ERBB4: variants seen among roughly 807,000 people sequenced by gnomAD.
ERBB4 encodes receptor tyrosine-protein kinase erbB-4.
Under a neutral mutation model 158.0 loss-of-function variants are expected in ERBB4, and 42 were observed. The ratio of observed to expected loss-of-function variants is 0.27; its 90% CI spans 0.21 to 0.34. The LOEUF is 0.34. Among genes scored for constraint, ERBB4 ranks in the 10% least tolerant of loss-of-function variants. The pLI is 1.00. For synonymous variants in ERBB4, 583 were observed against 558.7 expected, an observed-to-expected ratio of 1.04 and a Z score of -0.61; for missense variants, 1,333 against 1,624.1, an observed-to-expected ratio of 0.82 and a Z score of 3.08.
chr2:212,507,516 A>G (rs891867116), intron 1 of ERBB4, among the ~76,000 whole-genome samples: 1 of 152,334 alleles, frequency 6.6e-6, no homozygotes, highest in Middle Eastern at 3.4e-3. Context: ...AAAAATATTA[A>G]TGATTCATTG....
chr2:211,634,983 T>C (rs1488792408), intron 16 of ERBB4, among the ~76,000 whole-genome samples: 4 of 152,136 alleles, frequency 2.6e-5, no homozygotes, highest in African/African-American at 7.2e-5. Context: ...TGAATGTGAA[T>C]CTTGTATGTG....
intron 1 of ERBB4, among the ~76,000 whole-genome samples, chr2:212,146,181 G>A (rs576258738): frequency 1.3e-5 from 2 of 152,294 alleles, no homozygotes; most frequent in East Asian, 3.9e-4. Flanking sequence ...CTGAGGTAAT[G>A]AATTAAATAT....
At chr2:212,417,373 A>G (rs2091681432) in intron 1 of ERBB4, among the ~76,000 whole-genome samples, 1 of 152,054 alleles carries the variant, frequency 6.6e-6, no homozygotes, top group African/African-American at 2.4e-5. Flanking sequence ...AAGTAACTAC[A>G]CATTGAGTAT....
In ERBB4 at chr2:211,513,365, A is replaced by C. The variant is rs866459324; in HGVS notation, c.2487+48538T>G. Among the ~76,000 whole-genome samples the C allele has an allele frequency of 3.6e-3, 508 of 141,674 alleles. 5 individuals carry two copies. Among genetic ancestry groups the C allele is most frequent in the African/African-American group, 0.014 (486 of 34,186 alleles). 92.9% of individuals were successfully genotyped at this position (141,674 alleles called of 152,430 possible). A position where few individuals can be genotyped will look rare whatever the true frequency, so the allele number is the denominator to read the frequency against. ...AGAGCGAGACTCCGTCTCAAAAAAA[A>C]AAAAAAAAAAACAAAAAAAAAACAC... On this transcript the variant is annotated intron_variant, in intron 20 of 27. Coordinates refer to ENST00000342788, the MANE Select transcript of ERBB4 (RefSeq NM_005235.3).
At chr2:212,251,320 T>G (rs1318159670) in intron 1 of ERBB4, among the ~76,000 whole-genome samples, 3 of 152,028 alleles carry the variant, frequency 2.0e-5, no homozygotes, top group Admixed American at 2.0e-4. Context: ...ATTCATTTAT[T>G]TGATAAACAT....
intron 1 of ERBB4, among the ~76,000 whole-genome samples, chr2:212,404,856 C>G (rs187582303): frequency 2.6e-5 from 4 of 152,024 alleles, no homozygotes; most frequent in East Asian, 3.9e-4. Context: ...TTTGTGCTCA[C>G]GAGTTCTCAT....
At chr2:211,880,265 T>C (rs574620148) in intron 3 of ERBB4, among the ~76,000 whole-genome samples, 80 of 152,298 alleles carry the variant, frequency 5.3e-4, no homozygotes, top group Non-Finnish European at 9.9e-4. Context: ...ATCCTTGTCT[T>C]ACGCTAGATC....
At chr2:212,519,013 A>C (rs1691999001) in intron 1 of ERBB4, among the ~76,000 whole-genome samples, 1 of 152,016 alleles carries the variant, frequency 6.6e-6, no homozygotes, top group Admixed American at 6.6e-5. Context: ...ATATGGGACT[A>C]TTACTAATGC....
At chr2:211,385,803 G>T (rs1335149722) in intron 27 of ERBB4, among the ~76,000 whole-genome samples, 1 of 152,024 alleles carries the variant, frequency 6.6e-6, no homozygotes, top group South Asian at 2.1e-4. Context: ...TAACTTTACG[G>T]TTGGAGTGAA....
intron 2 of ERBB4, among the ~76,000 whole-genome samples, chr2:212,018,421 A>T (rs565772483): frequency 6.6e-6 from 1 of 152,282 alleles, no homozygotes; most frequent in East Asian, 1.9e-4. Flanking sequence ...ACCAAATGTG[A>T]CCTAAGGATT....
In ERBB4 at chr2:211,378,778, G is replaced by A. The variant is rs1400970832; in HGVS notation, c.*4837C>T. Reference sequence around the variant, plus strand: ...AATCTGCATTTATATGTTTACATGGGGCAAGGCTGTCCTTCAAACTGATAC... The same window carrying A: ...AATCTGCATTTATATGTTTACATGGAGCAAGGCTGTCCTTCAAACTGATAC... On this transcript the variant is annotated 3_prime_UTR_variant, in exon 28 of 28. Coordinates refer to ENST00000342788, the MANE Select transcript of ERBB4 (RefSeq NM_005235.3). 4.3e-6 allele frequency: 1 copy of A among 232,630 alleles called. No individual in the cohort carries two copies. The highest frequency in any genetic ancestry group is 6.0e-5 in the East Asian group (1 of 16,548). 14.4% of individuals were successfully genotyped at this position (232,630 alleles called of 1,614,324 possible).
chr2:211,963,864 G>C (rs1357400825), intron 2 of ERBB4, among the ~76,000 whole-genome samples: 1 of 152,062 alleles, frequency 6.6e-6, no homozygotes, highest in Admixed American at 6.6e-5. Flanking sequence ...TTGTTTGAAA[G>C]AAAGGTTATG....
At chr2:211,957,065 A>G (rs2081054827) in intron 2 of ERBB4, among the ~76,000 whole-genome samples, 1 of 151,942 alleles carries the variant, frequency 6.6e-6, no homozygotes, top group Non-Finnish European at 1.5e-5. Context: ...CCTCGCCTCA[A>G]GCAATACTCC....
chr2:211,988,661 A>G (rs2081996540), intron 2 of ERBB4, among the ~76,000 whole-genome samples: 2 of 152,190 alleles, frequency 1.3e-5, no homozygotes, highest in East Asian at 3.9e-4. Context: ...CAGTGAGCCC[A>G]GTTAATGTTA....
chr2:212,092,531 T>C (rs888563549), intron 2 of ERBB4, among the ~76,000 whole-genome samples: 65 of 152,126 alleles, frequency 4.3e-4, no homozygotes, highest in African/African-American at 1.6e-3. Flanking sequence ...TGAAGACTCA[T>C]GAGGCTAAGG....
intron 20 of ERBB4, among the ~76,000 whole-genome samples, chr2:211,487,574 C>T (rs1192268469): frequency 6.6e-6 from 1 of 151,896 alleles, no homozygotes; most frequent in Admixed American, 6.6e-5. Flanking sequence ...TTGTACAAGC[C>T]AGAATTTCTG....
At chr2:212,395,059 A>G (rs2090985501) in intron 1 of ERBB4, among the ~76,000 whole-genome samples, 1 of 152,134 alleles carries the variant, frequency 6.6e-6, no homozygotes, top group Admixed American at 6.6e-5. Flanking sequence ...ACAATATCTA[A>G]AAGTCACTAT....
At chr2:211,611,743 G>A (rs765699355) in intron 19 of ERBB4, among the ~76,000 whole-genome samples, 21 of 152,098 alleles carry the variant, frequency 1.4e-4, no homozygotes, top group Non-Finnish European at 2.1e-4. Flanking sequence ...CCTGATGCAC[G>A]TTTTAGCTGG....
intron 5 of ERBB4, among the ~76,000 whole-genome samples, chr2:211,726,105 T>G (rs901302255): frequency 6.6e-6 from 1 of 152,206 alleles, no homozygotes; most frequent in Non-Finnish European, 1.5e-5. Flanking sequence ...ATATGTATAG[T>G]ATATCACTTC....
Sources: gnomAD v4.1 joint callset for allele counts (sites outside exome capture counted in the v4.1 genomes callset) on GRCh38, gnomAD v4.1.1 for gene constraint, MANE v1.5 for transcripts, NCBI Gene and HGNC (gene_info 2026-07-23, HGNC 2026-07-21) for gene names.